Variants in SHROOM4 observed in about 807,000 individuals in gnomAD.
SHROOM4 encodes the protein protein Shroom4.
A neutral mutation model predicts 80.3 loss-of-function variants in SHROOM4; 17 were observed. The ratio of observed to expected loss-of-function variants is 0.21; its 90% CI spans 0.14 to 0.32. The LOEUF (loss-of-function observed/expected upper bound fraction) is 0.32, where lower values mean the gene tolerates loss of function less well. Among genes scored for constraint, SHROOM4 ranks in the 10% least tolerant of loss-of-function variants. The pLI, the probability that SHROOM4 is intolerant of heterozygous loss-of-function variation, is 1.00. For synonymous variants in SHROOM4, 400 were observed against 437.5 expected, an observed-to-expected ratio of 0.91 and a Z score of 1.07; for missense variants, 993 against 1,140.3, an observed-to-expected ratio of 0.87 and a Z score of 1.86.
intron 5 of SHROOM4, among the ~76,000 whole-genome samples, chrX:50,617,314 G>A (rs923855442): frequency 8.9e-5 from 10 of 111,844 alleles, no homozygotes; most frequent in African/African-American, 3.3e-4. Flanking sequence ...ACAATTGTAT[G>A]CTTCAGGCTT....
In SHROOM4 at chrX:50,607,482, C is replaced by T; in HGVS notation, c.3660G>A (p.Arg1220=). Residue 1220 remains arginine, a synonymous_variant, in exon 6 of 9, where the codon AGG becomes AGA. Coordinates refer to ENST00000376020, the MANE Select transcript of SHROOM4 (RefSeq NM_020717.5). ...GCTCAGGTTGAGATCCCAAGTGACC[C>T]CTTATTGGAGGCAAGAAATCACTGG... The part of the protein sequence containing the change: ...LHSSDFLPPI[R]GHLGSQPEQA... 8.3e-7 allele frequency: 1 copy of T among 1,211,306 alleles called. No homozygotes were observed. Among genetic ancestry groups the T allele is most frequent in the Non-Finnish European group, 1.1e-6 (1 of 895,406 alleles).
chrX:50,726,486 G>A (rs1934245245), intron 1 of SHROOM4, among the ~76,000 whole-genome samples: 1 of 112,127 alleles, frequency 8.9e-6, no homozygotes, highest in African/African-American at 3.2e-5. Flanking sequence ...TCACAAGCTG[G>A]AGGCCTAGGA....
intron 1 of SHROOM4, among the ~76,000 whole-genome samples, chrX:50,801,087 T>C (rs1602525953): frequency 9.2e-6 from 1 of 108,917 alleles, no homozygotes; most frequent in Non-Finnish European, 1.9e-5. Context: ...AGAAGCTTCA[T>C]CTGAATCTCC....
chrX:50,738,275 G>C (rs1313612600), intron 1 of SHROOM4, among the ~76,000 whole-genome samples: 7 of 111,375 alleles, frequency 6.3e-5, no homozygotes, highest in Non-Finnish European at 1.9e-5. Context: ...GCACAAGACA[G>C]GGATGCCCTC....
intron 5 of SHROOM4, among the ~76,000 whole-genome samples, chrX:50,622,434 T>C (rs1930613668): frequency 8.9e-6 from 1 of 112,239 alleles, no homozygotes; most frequent in Non-Finnish European, 1.9e-5. Context: ...ATCACAGTAA[T>C]GTAGCTTTTT....
chrX:50,798,288 C>T (rs1388899367), intron 1 of SHROOM4, among the ~76,000 whole-genome samples: 2 of 111,592 alleles, frequency 1.8e-5, no homozygotes, highest in South Asian at 3.8e-4. Context: ...AAAGTTACTT[C>T]CCTCTTAGCC....
chrX:50,776,601 C>T (rs1432373504), intron 1 of SHROOM4, among the ~76,000 whole-genome samples: 2 of 111,947 alleles, frequency 1.8e-5, no homozygotes, highest in Non-Finnish European at 3.8e-5. Flanking sequence ...ATATAGATAC[C>T]ACAAAAATAT....
chrX:50,711,251 A>T (rs1933806745), intron 1 of SHROOM4, among the ~76,000 whole-genome samples: 1 of 111,874 alleles, frequency 8.9e-6, no homozygotes, highest in African/African-American at 3.3e-5. Context: ...ATCTTATTGT[A>T]TGCCACCTGG....
At chrX:50,617,364 G>A (rs1930285025) in intron 5 of SHROOM4, among the ~76,000 whole-genome samples, 1 of 111,531 alleles carries the variant, frequency 9.0e-6, no homozygotes, top group East Asian at 2.8e-4. Context: ...TGCACTCCCT[G>A]ATTAATGTTC....
At chrX:50,745,578 G>A (rs782471418) in intron 1 of SHROOM4, among the ~76,000 whole-genome samples, 2 of 111,799 alleles carry the variant, frequency 1.8e-5, no homozygotes, top group Admixed American at 1.9e-4. Flanking sequence ...AACTGAGCAC[G>A]GAATGGGAAC....
intron 2 of SHROOM4, chrX:50,643,273 G>C (rs1931678038): frequency 8.9e-6 from 1 of 111,959 alleles, no homozygotes; most frequent in Non-Finnish European, 1.9e-5. Context: ...AGAGGGGGAA[G>C]AGTGGCAGCA....
At position 50,652,675 on chromosome X, in the gene SHROOM4, G is replaced by C. The variant is rs60655280; in HGVS notation, c.270-14367C>G. ...GCTATGTCCTGAATGGTATTGCCTA[G>C]GTTTTCTTCTAGGGTTTTTATGGTT... On this transcript the variant is annotated intron_variant, in intron 2 of 8. Coordinates refer to ENST00000376020, the MANE Select transcript of SHROOM4 (RefSeq NM_020717.5). Among the ~76,000 whole-genome samples the C allele has an allele frequency of 4.5e-3, 501 of 111,983 alleles. 5 individuals are homozygous for C. Among genetic ancestry groups the C allele is most frequent in the African/African-American group, 0.016 (487 of 30,800 alleles).
intron 1 of SHROOM4, among the ~76,000 whole-genome samples, chrX:50,788,881 T>C (rs375327066): frequency 3.6e-5 from 4 of 111,489 alleles, no homozygotes; most frequent in East Asian, 2.8e-4. Flanking sequence ...GCTACACTTA[T>C]ATCAGACAAA....
At chrX:50,598,889 G>A (rs1201783127) in intron 7 of SHROOM4, among the ~76,000 whole-genome samples, 2 of 110,852 alleles carry the variant, frequency 1.8e-5, no homozygotes, top group East Asian at 5.7e-4. Context: ...GCAGTGGCAC[G>A]ATCTCAGCTC....
intron 2 of SHROOM4, among the ~76,000 whole-genome samples, chrX:50,667,961 T>C (rs1331073392): frequency 9.0e-6 from 1 of 111,223 alleles, no homozygotes; most frequent in Non-Finnish European, 1.9e-5. Flanking sequence ...TAATAACTGC[T>C]CTACTCCAGT....
At position 50,608,032 on chromosome X, in the gene SHROOM4, G is replaced by A; in HGVS notation, c.3110C>T (p.Thr1037Ile). ...GGAGCTCCCCTCCTCATAAACTGAA[G>A]TTTCCTCTGATTTTTTCAAAGCATG... Reference protein sequence around the residue: ...FKHALKKSEETSVYEEGSSLA... With the variant: ...FKHALKKSEEISVYEEGSSLA... The change falls in exon 6 of 9, where the codon ACT becomes ATT. Residue 1037 changes from threonine to isoleucine, a missense_variant. Transcript: ENST00000376020. The A allele has an allele frequency of 8.3e-7, 1 of 1,211,709 alleles. No individual in the cohort carries two copies.
chrX:50,707,651 AAG>A, intron 1 of SHROOM4, among the ~76,000 whole-genome samples: 1 of 96,127 alleles, frequency 1.0e-5, no homozygotes, highest in Admixed American at 1.3e-4. Context: ...TTCAGTTTCT[AAG>A]TCTTGAGTGT....
At chrX:50,665,667 G>A (rs1431737825) in intron 2 of SHROOM4, among the ~76,000 whole-genome samples, 4 of 109,572 alleles carry the variant, frequency 3.7e-5, no homozygotes, top group South Asian at 4.0e-4. Context: ...TCATTTCTTC[G>A]TACCTCAGTC....
intron 3 of SHROOM4, among the ~76,000 whole-genome samples, chrX:50,636,549 T>C (rs1277687173): frequency 9.0e-6 from 1 of 111,314 alleles, no homozygotes; most frequent in African/African-American, 3.3e-5. Flanking sequence ...ACAGGTTTGT[T>C]ACAAAGGTAT....
Sources: gnomAD v4.1 joint callset for allele counts (sites outside exome capture counted in the v4.1 genomes callset) on GRCh38, gnomAD v4.1.1 for gene constraint, MANE v1.5 for transcripts, NCBI Gene and HGNC (gene_info 2026-07-23, HGNC 2026-07-21) for gene names.